LRFN3: variants seen among roughly 807,000 people sequenced by gnomAD.
The protein encoded by LRFN3 is leucine-rich repeat and fibronectin type-III domain-containing protein 3.
In LRFN3, 8 loss-of-function variants were observed where a neutral mutation model predicts 23.8. The ratio of observed to expected loss-of-function variants is 0.34; its 90% CI spans 0.20 to 0.61. The LOEUF (loss-of-function observed/expected upper bound fraction) is 0.61. LRFN3 is among the 20% of genes least tolerant of loss of function. The pLI, the probability that LRFN3 is intolerant of heterozygous loss-of-function variation, is 0.80. For missense variants in LRFN3, 736 were observed against 935.3 expected (o/e 0.79, Z 2.78); for synonymous variants, 451 against 450.6 (o/e 1.00, Z -0.01).
chr19:35,941,969 G>A (rs1368562101), intron 2 of LRFN3, among the ~76,000 whole-genome samples: 20 of 151,496 alleles, frequency 1.3e-4, no homozygotes, highest in South Asian at 2.1e-4. Context: ...TGCAAGCTCC[G>A]CCTCCCAGGT....
rs1251538021 is a variant in LRFN3 at position 35,939,318 on chromosome 19, C to T, written c.-16-92C>T. ...GGTCTTTGACCAGCCCTTCTGCCCTCAGCCCACTGTGACCTTCTCTCCTGG... is the reference window on the plus strand; with the variant it reads ...GGTCTTTGACCAGCCCTTCTGCCCTTAGCCCACTGTGACCTTCTCTCCTGG... On this transcript the variant is annotated intron_variant, in intron 1 of 2. Coordinates refer to ENST00000246529, the MANE Select transcript of LRFN3 (RefSeq NM_024509.2). The surrounding 1 kb of genome is among the most constrained non-coding windows in gnomAD (Gnocchi z 6.4). 5.2e-6 allele frequency: 7 copies of T among 1,346,602 alleles called. No individual in the cohort carries two copies. The highest frequency in any genetic ancestry group is 1.4e-5 in the South Asian group (1 of 72,258). 83.4% of individuals were successfully genotyped at this position (1,346,602 alleles called of 1,614,324 possible).
In LRFN3 at chr19:35,944,827, C is replaced by G. The variant is rs529471562; in HGVS notation, c.1695C>G (p.His565Gln). ...IFVLLMRYKV[H>Q]GGQPPGKAKI... The stretch of plus-strand genomic sequence containing the variant: ...TGCTGCTAATGCGCTACAAGGTGCA[C>G]GGCGGCCAGCCCCCCGGCAAGGCCA... The change falls in exon 3 of 3, where the codon CAC becomes CAG. Residue 565 changes from histidine (H) to glutamine (Q), a missense_variant. His to Gln is a conservative substitution (Grantham distance 24). This residue lies in a region of LRFN3 where 290 missense variants were observed against 287.4 expected (regional missense o/e 1.01). Transcript: ENST00000246529. This position sits in a 1 kb window ranked among gnomAD's most constrained non-coding sequence, Gnocchi z 4.5. 6.2e-7 allele frequency: 1 copy of G among 1,607,900 alleles called. No individual in the cohort carries two copies. Among genetic ancestry groups the G allele is most frequent in the South Asian group, 1.1e-5 (1 of 90,952 alleles).
chr19:35,939,513 CGCCGCT>C lies in LRFN3; in HGVS notation c.98_103del (p.Arg33_Cys34del). ...GTCAGCCACACCCAGCCCATGTCCC[CGCCGCT>C]GCCGCTGCCAGACACAGTCGCTGCC... On this transcript the variant is annotated inframe_deletion, in exon 2 of 3. Coordinates refer to ENST00000246529, the MANE Select transcript of LRFN3 (RefSeq NM_024509.2). This position sits in a 1 kb window ranked among gnomAD's most constrained non-coding sequence, Gnocchi z 6.4. 1 of 1,607,314 alleles carries C rather than the reference CGCCGCT, an allele frequency of 6.2e-7. No homozygotes were observed. The highest frequency in any genetic ancestry group is 8.5e-7 in the Non-Finnish European group (1 of 1,179,248).
chr19:35,940,747 C>G lies in LRFN3; in HGVS notation c.1322C>G (p.Ala441Gly). 1 of 1,613,228 alleles carries G rather than the reference C, an allele frequency of 6.2e-7. No homozygotes were observed. Among genetic ancestry groups the G allele is most frequent in the Non-Finnish European group, 8.5e-7 (1 of 1,179,682 alleles). Residue 441 changes from alanine (A) to glycine (G), a missense_variant, in exon 2 of 3, where the codon GCT (alanine) becomes GGT (glycine). Around this residue, in one of 2 missense-constraint regions of LRFN3, gnomAD observed 290 missense variants for 287.4 expected, o/e 1.01. Coordinates refer to ENST00000246529, the MANE Select transcript of LRFN3 (RefSeq NM_024509.2). ...GTGACTGAGCACGGGGCCACAGCTG[C>G]TCTTGTCCAGTGGCCGGATCAGCGG... ...VQVTEHGATA[A>G]LVQWPDQRPI... is the part of the protein sequence containing the mutation.
Position 35,939,554 on chromosome 19 carries a change from G to T in LRFN3, c.129G>T (p.Val43=). The change falls in exon 2 of 3, where the codon GTG becomes GTT. Residue 43 remains valine (V), a synonymous_variant. Transcript: ENST00000246529. The surrounding 1 kb of genome is among the most constrained non-coding windows in gnomAD (Gnocchi z 6.4). ...AGACACAGTCGCTGCCCCTAAGCGT[G>T]CTGTGCCCAGGGGCAGGCCTCCTGT... is the stretch of plus-strand genomic sequence containing the variant. The part of the protein sequence containing the change: ...RCQTQSLPLS[V]LCPGAGLLFV... 6.2e-7 allele frequency: 1 copy of T among 1,608,490 alleles called. No homozygotes were observed. The highest frequency in any genetic ancestry group is 2.2e-5 in the East Asian group (1 of 44,862).
chr19:35,945,206 C>CTG lies in LRFN3; in HGVS notation c.*188_*189insGT, dbSNP rs750468627. On this transcript the variant is annotated 3_prime_UTR_variant, in exon 3 of 3. Transcript: ENST00000246529. ...CCAAGCTTGGGCGAAGACCCTTGCC[C>CTG]TCGTCTCTGTCTATGGGGGTTGGGG... is the stretch of plus-strand genomic sequence containing the variant. 3 of 464,752 alleles carry CTG rather than the reference C, an allele frequency of 6.5e-6. No individual in the cohort carries two copies. Among genetic ancestry groups the CTG allele is most frequent in the Non-Finnish European group, 7.5e-6 (2 of 267,436 alleles). 28.8% of individuals were successfully genotyped at this position (464,752 alleles called of 1,614,324 possible).
intron 2 of LRFN3, among the ~76,000 whole-genome samples, chr19:35,941,216 A>G (rs1976117878): frequency 6.6e-6 from 1 of 150,552 alleles, no homozygotes; most frequent in African/African-American, 2.4e-5. Flanking sequence ...AAACATAAAA[A>G]GGAAACCAGG....
Position 35,945,884 on chromosome 19 carries a change from C to G in LRFN3, c.*865C>G, listed in dbSNP as rs1568515786. ...TCTAGTGCTATGAGTAGGGTGGACC[C>G]AAGGGGAAGACTGAAGCTGGGAGCC... On this transcript the variant is annotated 3_prime_UTR_variant, in exon 3 of 3. Transcript: ENST00000246529. 2 of 152,156 alleles carry G rather than the reference C, an allele frequency of 1.3e-5. No individual in the cohort carries two copies. The highest frequency in any genetic ancestry group is 1.3e-4 in the Admixed American group (2 of 15,250). 9.4% of individuals were successfully genotyped at this position (152,156 alleles called of 1,614,324 possible). A position where few individuals can be genotyped will look rare whatever the true frequency, so the allele number is the denominator to read the frequency against.
At chr19:35,943,726 G>C (rs1221124546) in intron 2 of LRFN3, among the ~76,000 whole-genome samples, 4 of 152,298 alleles carry the variant, frequency 2.6e-5, no homozygotes, top group Non-Finnish European at 5.9e-5. Context: ...GACAGGGTTA[G>C]AGCAGAATTG....
At position 35,937,397 on chromosome 19, in the gene LRFN3, T is replaced by C. The variant is rs1040617335; in HGVS notation, c.-175T>C. The C allele has an allele frequency of 2.6e-5, 4 of 152,530 alleles. No individual in the cohort carries two copies. The highest frequency in any genetic ancestry group is 5.9e-5 in the Non-Finnish European group (4 of 68,096). 9.4% of individuals were successfully genotyped at this position (152,530 alleles called of 1,614,324 possible). ...GTCTGGAACCCCGAGTATTAAGGTC[T>C]GGAGACTCCGTTGCCACAGATTTGA... On this transcript the variant is annotated 5_prime_UTR_variant, in exon 1 of 3. Coordinates refer to ENST00000246529, the MANE Select transcript of LRFN3 (RefSeq NM_024509.2).
chr19:35,937,351 C>T lies in LRFN3; in HGVS notation c.-221C>T, dbSNP rs1976068118. The T allele has an allele frequency of 6.6e-6, 1 of 152,284 alleles. No homozygotes were observed. Among genetic ancestry groups the T allele is most frequent in the Non-Finnish European group, 1.5e-5 (1 of 68,088 alleles). 9.4% of individuals were successfully genotyped at this position (152,284 alleles called of 1,614,324 possible). On this transcript the variant is annotated 5_prime_UTR_variant, in exon 1 of 3. Coordinates refer to ENST00000246529, the MANE Select transcript of LRFN3 (RefSeq NM_024509.2). ...CAAACTGGACCCGTAAAACTGGACC[C>T]TAGAGGCCCAATATTTAGGGGTCTG...
rs768203591 is a variant in LRFN3 at position 35,940,428 on chromosome 19, C to T, written c.1003C>T (p.Arg335Trp). The T allele has an allele frequency of 1.1e-5, 18 of 1,596,298 alleles. No homozygotes were observed. The highest frequency in any genetic ancestry group is 2.7e-5 in the African/African-American group (2 of 74,918). Residue 335 changes from arginine (R) to tryptophan (W), a missense_variant, in exon 2 of 3, where the codon CGG (arginine) becomes TGG (tryptophan). By Grantham distance (101) the Arg-to-Trp change is moderately radical. This residue lies in a region of LRFN3 where 446 missense variants were observed against 647.9 expected (regional missense o/e 0.69). Transcript: ENST00000246529. ...TGTGCGTTGGGTGTCACCCCAGGGCCGGCTGCTAGGCAACTCAAGCCGTGC... is the reference window on the plus strand; with the variant it reads ...TGTGCGTTGGGTGTCACCCCAGGGCTGGCTGCTAGGCAACTCAAGCCGTGC... ...PRVRWVSPQG[R>W]LLGNSSRARA...
rs539638458 is a variant in LRFN3 at position 35,939,523 on chromosome 19, G to A, written c.98G>A (p.Arg33His). ...CCCAGCCCATGTCCCCGCCGCTGCCGCTGCCAGACACAGTCGCTGCCCCTA... is the reference window on the plus strand; with the variant it reads ...CCCAGCCCATGTCCCCGCCGCTGCCACTGCCAGACACAGTCGCTGCCCCTA... ...ATPSPCPRRC[R>H]CQTQSLPLSV... The change falls in exon 2 of 3, where the codon CGC becomes CAC. Residue 33 changes from arginine to histidine, a missense_variant. Arg to His is a conservative substitution (Grantham distance 29, BLOSUM62 0). Around this residue, in one of 2 missense-constraint regions of LRFN3, gnomAD observed 446 missense variants for 647.9 expected, o/e 0.69. Transcript: ENST00000246529. The surrounding 1 kb of genome is among the most constrained non-coding windows in gnomAD (Gnocchi z 6.4). 4.9e-5 allele frequency: 78 copies of A among 1,607,486 alleles called. No homozygotes were observed. In the East Asian group the frequency reaches 1.2e-3, roughly 25 times the overall value.
Position 35,936,513 on chromosome 19 carries a change from C to G in LRFN3, c.-1059C>G, listed in dbSNP as rs1288957757. 6.6e-6 allele frequency: 1 copy of G among 150,514 alleles called. No homozygotes were observed. The highest frequency in any genetic ancestry group is 1.5e-5 in the Non-Finnish European group (1 of 67,306). 9.3% of individuals were successfully genotyped at this position (150,514 alleles called of 1,614,324 possible). ...GGGGTCTCTGAGCGCGGCCCCTCCCCCCTGCGCCCCCGCCTGCGCTGCGGT... is the reference window on the plus strand; with the variant it reads ...GGGGTCTCTGAGCGCGGCCCCTCCCGCCTGCGCCCCCGCCTGCGCTGCGGT... On this transcript the variant is annotated 5_prime_UTR_variant, in exon 1 of 3. Coordinates refer to ENST00000246529, the MANE Select transcript of LRFN3 (RefSeq NM_024509.2).
chr19:35,938,783 C>T (rs1233836497), intron 1 of LRFN3, among the ~76,000 whole-genome samples: 1 of 152,206 alleles, frequency 6.6e-6, no homozygotes, highest in Non-Finnish European at 1.5e-5. Flanking sequence ...GCTCATCTTC[C>T]TGACCATCTG....
intron 2 of LRFN3, among the ~76,000 whole-genome samples, chr19:35,942,241 G>A (rs777272618): frequency 9.2e-5 from 14 of 152,298 alleles, no homozygotes; most frequent in Non-Finnish European, 1.6e-4. Flanking sequence ...CAGGTAAACA[G>A]AAATATCCAG....
At chr19:35,942,907 T>C (rs570360117) in intron 2 of LRFN3, among the ~76,000 whole-genome samples, 8 of 151,956 alleles carry the variant, frequency 5.3e-5, no homozygotes, top group Non-Finnish European at 1.2e-4. Context: ...CACGCGCCTG[T>C]AGTCCCAGCT....
rs1368730643 is a variant in LRFN3, at chr19:35,940,173, C to A, written c.748C>A (p.Pro250Thr). Residue 250 changes from proline to threonine, a missense_variant, in exon 2 of 3, where the codon CCC (proline) becomes ACC (threonine). Physicochemically the swap from Pro to Thr is conservative, Grantham distance 38 (BLOSUM62 -1). This residue lies in a region of LRFN3 where 446 missense variants were observed against 647.9 expected (regional missense o/e 0.69). Coordinates refer to ENST00000246529, the MANE Select transcript of LRFN3 (RefSeq NM_024509.2). ...SALVLAFGGN[P>T]LHCNCELVWL... is the part of the protein sequence containing the mutation. ...CCTGGTGCTGGCCTTTGGCGGGAAC[C>A]CCCTGCACTGCAACTGCGAGCTGGT... 1 of 1,610,350 alleles carries A rather than the reference C, an allele frequency of 6.2e-7. No homozygotes were observed. The highest frequency in any genetic ancestry group is 8.5e-7 in the Non-Finnish European group (1 of 1,179,640).
intron 2 of LRFN3, among the ~76,000 whole-genome samples, 177 bp downstream of exon 2, chr19:35,941,017 G>C (rs1976115067): frequency 6.6e-6 from 1 of 152,170 alleles, no homozygotes; most frequent in Non-Finnish European, 1.5e-5. Context: ...ACAAGACTCT[G>C]GCAGAAAGGG....
Sources: allele counts gnomAD v4.1 joint callset (sites outside exome capture counted in the v4.1 genomes callset), GRCh38; gene constraint gnomAD v4.1.1; regional missense constraint gnomAD v4.1.1; non-coding constraint Gnocchi (gnomAD v3.1); transcripts MANE v1.5; gene names NCBI Gene and HGNC (gene_info 2026-07-23, HGNC 2026-07-21).